Variants in TNFRSF11A observed in about 807,000 individuals in gnomAD.
TNFRSF11A encodes TNF receptor superfamily member 11a, also known as tumor necrosis factor receptor superfamily member 11A.
Under a neutral mutation model 55.7 loss-of-function variants are expected in TNFRSF11A, and 32 were observed. The observed-to-expected ratio is 0.57, with a 90% confidence interval of 0.43 to 0.77. The LOEUF (loss-of-function observed/expected upper bound fraction) is 0.77. Ranked by LOEUF, TNFRSF11A falls within the 30% of genes least tolerant of loss-of-function variation. The pLI, the probability that TNFRSF11A is intolerant of heterozygous loss-of-function variation, is 0.00. For missense variants in TNFRSF11A, 753 were observed against 809.8 expected, an observed-to-expected ratio of 0.93 and a Z score of 0.85; for synonymous variants, 311 against 331.0, an observed-to-expected ratio of 0.94 and a Z score of 0.65.
rs946574619 is a variant in TNFRSF11A at position 62,388,638 on chromosome 18, A to C, written c.*3604A>C. On this transcript the variant is annotated 3_prime_UTR_variant, in exon 10 of 10. Transcript: ENST00000586569. ...CCTTCTCTGGTGATTGAATTCCCTT[A>C]ATGCACAGCACTATAGATTCCCACA... 1 of 152,226 alleles carries C rather than the reference A, an allele frequency of 6.6e-6. No homozygotes were observed. The highest frequency in any genetic ancestry group is 1.5e-5 in the Non-Finnish European group (1 of 68,052). The allele number at this position is 152,226 out of a possible 1,614,324, so 9.4% of individuals were successfully genotyped here. A position where few individuals can be genotyped will look rare whatever the true frequency, so the allele number is the denominator to read the frequency against.
chr18:62,358,200 G>C, intron 4 of TNFRSF11A, 48 bp from the exon 5 acceptor site: 2 of 1,573,378 alleles, frequency 1.3e-6, no homozygotes, highest in Non-Finnish European at 1.7e-6. Context: ...GACCTCGTTT[G>C]TTTTTTGTTT....
chr18:62,356,657 C>A (rs1364861341), intron 4 of TNFRSF11A, among the ~76,000 whole-genome samples: 1 of 152,222 alleles, frequency 6.6e-6, no homozygotes, highest in Non-Finnish European at 1.5e-5. Context: ...TATCATCCTG[C>A]TTTTGCCCTT....
At chr18:62,377,656 T>C (rs1456401924) in intron 9 of TNFRSF11A, among the ~76,000 whole-genome samples, 1 of 152,188 alleles carries the variant, frequency 6.6e-6, no homozygotes, top group Non-Finnish European at 1.5e-5. Context: ...ATGTGGAGCA[T>C]CTTTTCATAT....
intron 1 of TNFRSF11A, among the ~76,000 whole-genome samples, chr18:62,339,696 C>T (rs989245383): frequency 6.6e-6 from 1 of 152,134 alleles, no homozygotes; most frequent in Non-Finnish European, 1.5e-5. Context: ...AGCAGAACTT[C>T]GTAAAGAGAT....
intron 1 of TNFRSF11A, among the ~76,000 whole-genome samples, chr18:62,337,932 C>T (rs536558564): frequency 1.3e-5 from 2 of 152,248 alleles, no homozygotes; most frequent in East Asian, 3.9e-4. Flanking sequence ...TCAGTGTTGT[C>T]AGCAGCTAAA....
rs138910718 is a variant in TNFRSF11A at position 62,364,409 on chromosome 18, C to T, written c.731-2299C>T. Among the ~76,000 whole-genome samples the T allele has an allele frequency of 6.2e-3, 948 of 152,168 alleles. 6 individuals are homozygous for T. The highest frequency in any genetic ancestry group is 0.01 in the Non-Finnish European group (705 of 68,016). On this transcript the variant is annotated intron_variant, in intron 7 of 9. Coordinates refer to ENST00000586569, the MANE Select transcript of TNFRSF11A (RefSeq NM_003839.4). ...GCTCCTTGTCCTTAGCAAAGGGGAC[C>T]AAGGGCGGCCCTCTGGCTTTAGAGT...
Position 62,325,397 on chromosome 18 carries a change from G to T in TNFRSF11A, c.45G>T (p.Leu15=). The T allele has an allele frequency of 8.4e-7, 1 of 1,197,418 alleles. No individual in the cohort carries two copies. Among genetic ancestry groups the T allele is most frequent in the South Asian group, 2.3e-5 (1 of 44,296 alleles). The allele number at this position is 1,197,418 out of a possible 1,614,324, so 74.2% of individuals were successfully genotyped here. ...GGCGCCGCCCGCTGTTCGCGCTGCT[G>T]CTGCTCTGCGCGCTGCTCGCCCGGC... is the stretch of plus-strand genomic sequence containing the variant. ...ARRRRPLFAL[L]LLCALLARLQ... The change falls in exon 1 of 10, where the codon CTG becomes CTT. Residue 15 remains leucine (L), a synonymous_variant. Coordinates refer to ENST00000586569, the MANE Select transcript of TNFRSF11A (RefSeq NM_003839.4). This position sits in a 1 kb window ranked among gnomAD's most constrained non-coding sequence, Gnocchi z 4.7.
At position 62,387,182 on chromosome 18, in the gene TNFRSF11A, T is replaced by C. The variant is rs575672083; in HGVS notation, c.*2148T>C. On this transcript the variant is annotated 3_prime_UTR_variant, in exon 10 of 10. Transcript: ENST00000586569. ...CCTTAAATCAAAGGTGCTATATACA[T>C]AAGTAAGACTCTACTTTCAGAAAAA... is the stretch of plus-strand genomic sequence containing the variant. The C allele has an allele frequency of 7.2e-5, 11 of 152,358 alleles. No homozygotes were observed. Among genetic ancestry groups the C allele is most frequent in the African/African-American group, 2.4e-4 (10 of 41,586 alleles). 9.4% of individuals were successfully genotyped at this position (152,358 alleles called of 1,614,324 possible).
chr18:62,385,561 C>G lies in TNFRSF11A; in HGVS notation c.*527C>G, dbSNP rs967653225. On this transcript the variant is annotated 3_prime_UTR_variant, in exon 10 of 10. Transcript: ENST00000586569. Reference sequence around the variant, plus strand: ...GTGCGATTATAGCCCGGTGCAGCCTCTAACTCCTGGGCTCAAGCAATCCAA... The same window carrying G: ...GTGCGATTATAGCCCGGTGCAGCCTGTAACTCCTGGGCTCAAGCAATCCAA... The G allele has an allele frequency of 6.6e-6, 1 of 151,994 alleles. No individual in the cohort carries two copies. Among genetic ancestry groups the G allele is most frequent in the Admixed American group, 6.6e-5 (1 of 15,244 alleles). 9.4% of individuals were successfully genotyped at this position (151,994 alleles called of 1,614,324 possible). A position where few individuals can be genotyped will look rare whatever the true frequency, so the allele number is the denominator to read the frequency against.
chr18:62,388,743 G>A lies in TNFRSF11A; in HGVS notation c.*3709G>A, dbSNP rs1290780894. On this transcript the variant is annotated 3_prime_UTR_variant, in exon 10 of 10. Coordinates refer to ENST00000586569, the MANE Select transcript of TNFRSF11A (RefSeq NM_003839.4). Reference sequence around the variant, plus strand: ...GCCAAATATAGGTGATTTGGGAATTGAGCCTACTGTACTGCTTCCACATTC... The same window carrying A: ...GCCAAATATAGGTGATTTGGGAATTAAGCCTACTGTACTGCTTCCACATTC... 6 of 152,226 alleles carry A rather than the reference G, an allele frequency of 3.9e-5. No individual in the cohort carries two copies. The allele number at this position is 152,226 out of a possible 1,614,324, so 9.4% of individuals were successfully genotyped here.
rs116209361 is a variant in TNFRSF11A, at chr18:62,373,187, G to C, written c.1567+3703G>C. ...TTAGTGGGAATCCTGGCTGGGTGCA[G>C]TGGCTCACGCCTATAATCCCAGCAC... is the stretch of plus-strand genomic sequence containing the variant. On this transcript the variant is annotated intron_variant, in intron 9 of 9. Coordinates refer to ENST00000586569, the MANE Select transcript of TNFRSF11A (RefSeq NM_003839.4). Among the ~76,000 whole-genome samples, 590 of 152,370 alleles carry C rather than the reference G, an allele frequency of 3.9e-3. 4 individuals are homozygous for C. The highest frequency in any genetic ancestry group is 0.013 in the African/African-American group (544 of 41,582).
At position 62,369,104 on chromosome 18, in the gene TNFRSF11A, C is replaced by T; in HGVS notation, c.1187C>T (p.Thr396Ile). The T allele has an allele frequency of 6.2e-7, 1 of 1,614,074 alleles. No homozygotes were observed. Among genetic ancestry groups the T allele is most frequent in the East Asian group, 2.2e-5 (1 of 44,890 alleles). Residue 396 changes from threonine (T) to isoleucine (I), a missense_variant, in exon 9 of 10, where the codon ACA becomes ATA. Coordinates refer to ENST00000586569, the MANE Select transcript of TNFRSF11A (RefSeq NM_003839.4). ...CAGTGCTTCACGGGGACACAGAGCA[C>T]AGTGGGTTCAGAAAGCTGCAACTGC... ...LSQCFTGTQS[T>I]VGSESCNCTE...
intron 8 of TNFRSF11A, 118 bp downstream of exon 8, chr18:62,366,878 T>G: frequency 9.5e-7 from 1 of 1,056,944 alleles, no homozygotes; most frequent in Non-Finnish European, 1.5e-6. Context: ...AGACGGAGTC[T>G]CGCTCTGTGC....
At chr18:62,384,222 G>A (rs12970463) in intron 9 of TNFRSF11A, among the ~76,000 whole-genome samples, 28,430 of 151,800 alleles carry the variant, frequency 0.19, 3,405 homozygotes, top group Non-Finnish European at 0.27. Flanking sequence ...AGGCTTGCTC[G>A]TTTCTCATCT....
intron 7 of TNFRSF11A, among the ~76,000 whole-genome samples, chr18:62,364,268 G>C (rs1909909957): frequency 6.6e-6 from 1 of 152,168 alleles, no homozygotes; most frequent in African/African-American, 2.4e-5. Flanking sequence ...GGAGCACAGT[G>C]CATTAGCGGG....
chr18:62,362,929 C>T (rs922567293), intron 7 of TNFRSF11A, among the ~76,000 whole-genome samples: 49 of 152,064 alleles, frequency 3.2e-4, no homozygotes, highest in Admixed American at 3.1e-3. Context: ...CTGCAGCCTC[C>T]GCCTCCCAGG....
intron 9 of TNFRSF11A, among the ~76,000 whole-genome samples, chr18:62,379,863 C>G (rs1911146029): frequency 6.6e-6 from 1 of 152,216 alleles, no homozygotes; most frequent in Admixed American, 6.5e-5. Flanking sequence ...TTCTACAACT[C>G]AGTTTTACTG....
intron 1 of TNFRSF11A, among the ~76,000 whole-genome samples, chr18:62,345,374 A>G (rs542499152): frequency 6.6e-6 from 1 of 152,290 alleles, no homozygotes; most frequent in East Asian, 1.9e-4. Context: ...ATATGTACTT[A>G]TGTTGCATTT....
rs558338640 is a variant in TNFRSF11A at position 62,346,954 on chromosome 18, A to C, written c.76-1214A>C. On this transcript the variant is annotated intron_variant, in intron 1 of 9. Transcript: ENST00000586569. ...TTCAGGCCTCATTGCCCCTGTTTGAACTGCTCATATTGTCCAAAGTCTTCC... is the reference window on the plus strand; with the variant it reads ...TTCAGGCCTCATTGCCCCTGTTTGACCTGCTCATATTGTCCAAAGTCTTCC... Among the ~76,000 whole-genome samples the C allele has an allele frequency of 1.1e-3, 174 of 152,134 alleles. 1 individual carries two copies. Among genetic ancestry groups the C allele is most frequent in the African/African-American group, 4.1e-3 (170 of 41,472 alleles).
Sources: allele counts gnomAD v4.1 joint callset (sites outside exome capture counted in the v4.1 genomes callset), GRCh38; gene constraint gnomAD v4.1.1; non-coding constraint Gnocchi (gnomAD v3.1); transcripts MANE v1.5; gene names NCBI Gene and HGNC (gene_info 2026-07-23, HGNC 2026-07-21).